CCDC158: variants seen among roughly 807,000 people sequenced by gnomAD.
CCDC158 encodes the protein coiled-coil domain-containing protein 158.
Under a neutral mutation model 138.6 loss-of-function variants are expected in CCDC158, and 116 were observed. The ratio of observed to expected loss-of-function variants is 0.84; its 90% CI spans 0.72 to 0.98. CCDC158 has a LOEUF of 0.98. Among genes scored for constraint, CCDC158 ranks in the 50% least tolerant of loss-of-function variants. The probability of loss-of-function intolerance (pLI) is 0.00; values close to 1 mark genes in which losing one functional copy is unlikely to be tolerated. For synonymous variants in CCDC158, 436 were observed against 442.4 expected, an observed-to-expected ratio of 0.99 and a Z score of 0.18; for missense variants, 1,265 against 1,306.1, an observed-to-expected ratio of 0.97 and a Z score of 0.48.
At chr4:76,328,775 T>C (rs760816534) in intron 22 of CCDC158, 125 bp downstream of exon 22, 131 of 710,756 alleles carry the variant, frequency 1.8e-4, no homozygotes, top group Non-Finnish European at 5.4e-5. Flanking sequence ...AAAGAGGGAG[T>C]AGCAGGAAAT....
chr4:76,403,087 A>G (rs377260829), intron 3 of CCDC158, 51 bp downstream of exon 3: 11 of 1,290,654 alleles, frequency 8.5e-6, no homozygotes, highest in Non-Finnish European at 1.2e-5. Context: ...TTGAATGAAT[A>G]TCATGGTTAA....
chr4:76,379,962 T>C (rs1191998918), intron 8 of CCDC158, among the ~76,000 whole-genome samples: 1 of 152,140 alleles, frequency 6.6e-6, no homozygotes, highest in East Asian at 1.9e-4. Context: ...CCTTTCCTGC[T>C]CCGCCATGGT....
intron 10 of CCDC158, 115 bp from the exon 11 acceptor site, chr4:76,369,738 G>T: frequency 1.2e-6 from 1 of 837,130 alleles, no homozygotes; most frequent in Non-Finnish European, 1.8e-6. Context: ...CTTTGATTTT[G>T]GAATCTGATT....
At chr4:76,319,721 T>C (rs115156306) in intron 24 of CCDC158, among the ~76,000 whole-genome samples, 1 of 150,778 alleles carries the variant, frequency 6.6e-6, no homozygotes, top group East Asian at 2.0e-4. Flanking sequence ...TGCAGAAAAA[T>C]CATTTGACAA....
At chr4:76,330,173 G>C (rs114261008) in intron 21 of CCDC158, among the ~76,000 whole-genome samples, 3,878 of 152,230 alleles carry the variant, frequency 0.025, 94 homozygotes, top group Non-Finnish European at 0.04. Flanking sequence ...CAGTAGCTCA[G>C]TGTGGGTACT....
Position 76,421,122 on chromosome 4 carries a change from C to A in CCDC158, c.-274G>T, listed in dbSNP as rs1730092948. Among the ~76,000 whole-genome samples, 2 of 152,010 alleles carry A rather than the reference C, an allele frequency of 1.3e-5. No individual in the cohort carries two copies. Among genetic ancestry groups the A allele is most frequent in the African/African-American group, 4.8e-5 (2 of 41,428 alleles). ...AGGCTGCGGGGCGGCTCCTCCTCCT[C>A]GGCTGCGGCGCCGGAAGCTGCCCGC... On this transcript the variant is annotated 5_prime_UTR_variant, in exon 1 of 25. Coordinates refer to ENST00000682701, the MANE Select transcript of CCDC158 (RefSeq NM_001394954.1).
chr4:76,330,265 A>G (rs1251683418), intron 21 of CCDC158, among the ~76,000 whole-genome samples: 2 of 152,142 alleles, frequency 1.3e-5, no homozygotes, highest in Non-Finnish European at 2.9e-5. Context: ...ACTGTTTTCA[A>G]GCAGTATGAC....
rs749869173 is a variant in CCDC158, at chr4:76,367,276, CA to C, written c.1830+17del. The C allele has an allele frequency of 5.1e-5, 81 of 1,594,054 alleles. No homozygotes were observed. Among genetic ancestry groups the C allele is most frequent in the Non-Finnish European group, 5.8e-5 (68 of 1,169,878 alleles). On this transcript the variant is annotated intron_variant, in intron 12 of 24. Transcript: ENST00000682701. ...AAATGATATTTCAGAAGTTAAATCA[CA>C]AAAAAACTCTACAGACCTTAAGTTC... is the stretch of plus-strand genomic sequence containing the variant.
chr4:76,376,044 C>T (rs1725685272), intron 9 of CCDC158, among the ~76,000 whole-genome samples: 1 of 151,698 alleles, frequency 6.6e-6, no homozygotes, highest in Non-Finnish European at 1.5e-5. Flanking sequence ...AGTTTCCTTT[C>T]ACACAAATCT....
In CCDC158 at chr4:76,326,508, A is replaced by G. The variant is rs147468905; in HGVS notation, c.3011-493T>C. ...ATGGGCTTATCAGGCATAGACTTCC[A>G]TAGATTCAAGCAGCATTACTTCAAA... On this transcript the variant is annotated intron_variant, in intron 22 of 24. Transcript: ENST00000682701. 4.5e-3 allele frequency among the ~76,000 whole-genome samples: 681 copies of G among 152,340 alleles called. 5 individuals are homozygous for G. Among genetic ancestry groups the G allele is most frequent in the African/African-American group, 0.015 (636 of 41,570 alleles).
chr4:76,329,501 G>C (rs1035265375), intron 21 of CCDC158, among the ~76,000 whole-genome samples: 2 of 152,082 alleles, frequency 1.3e-5, no homozygotes, highest in Non-Finnish European at 2.9e-5. Flanking sequence ...GGAGAATGGC[G>C]TGAACCTAGG....
intron 23 of CCDC158, among the ~76,000 whole-genome samples, chr4:76,324,943 T>C (rs1720388954): frequency 1.3e-5 from 2 of 152,230 alleles, no homozygotes; most frequent in South Asian, 2.1e-4. Flanking sequence ...CTTAAGTCCC[T>C]ATTAAATGTT....
intron 13 of CCDC158, among the ~76,000 whole-genome samples, chr4:76,360,069 C>T (rs757311475): frequency 6.6e-6 from 1 of 152,250 alleles, no homozygotes; most frequent in East Asian, 1.9e-4. Flanking sequence ...ATTTCAGCTG[C>T]TCCAGTTCCA....
In CCDC158 at chr4:76,379,743, TACACACACACACACACACAC is replaced by T. The variant is rs34043671; in HGVS notation, c.915-359_915-340del. ...TTTACTTATATATATTCATATATAT[TACACACACACACACACACAC>T]ACACACACACACACACACGGTTTGG... On this transcript the variant is annotated intron_variant, in intron 8 of 24. Transcript: ENST00000682701. Among the ~76,000 whole-genome samples the T allele has an allele frequency of 1.7e-3, 247 of 147,078 alleles. 2 individuals are homozygous for T. The highest frequency in any genetic ancestry group is 5.7e-3 in the African/African-American group (227 of 39,684).
intron 2 of CCDC158, among the ~76,000 whole-genome samples, chr4:76,407,502 A>G (rs1266680134): frequency 5.3e-5 from 8 of 152,186 alleles, no homozygotes; most frequent in Non-Finnish European, 1.0e-4. Context: ...TATGCTGTGT[A>G]CAAGAAGGAT....
intron 3 of CCDC158, among the ~76,000 whole-genome samples, chr4:76,400,117 C>T (rs1020525049): frequency 5.9e-5 from 9 of 151,578 alleles, no homozygotes; most frequent in Non-Finnish European, 8.8e-5. Flanking sequence ...ATGTTTATTG[C>T]GGCACTATTC....
chr4:76,344,109 C>T (rs1257087998), intron 18 of CCDC158, among the ~76,000 whole-genome samples: 1 of 152,110 alleles, frequency 6.6e-6, no homozygotes, highest in Non-Finnish European at 1.5e-5. Flanking sequence ...AAAACCCTAT[C>T]GCCTCAGCCC....
chr4:76,418,460 G>A (rs1054488531), intron 1 of CCDC158, among the ~76,000 whole-genome samples: 1 of 152,200 alleles, frequency 6.6e-6, no homozygotes, highest in African/African-American at 2.4e-5. Flanking sequence ...GAAAGCAGAT[G>A]TGGGGAGTGT....
At chr4:76,346,686 G>A (rs1337424988) in intron 18 of CCDC158, among the ~76,000 whole-genome samples, 1 of 152,142 alleles carries the variant, frequency 6.6e-6, no homozygotes, top group Admixed American at 6.5e-5. Context: ...CTCTAGACTG[G>A]TGACAGAACA....
Sources: allele counts gnomAD v4.1 joint callset (sites outside exome capture counted in the v4.1 genomes callset), GRCh38; gene constraint gnomAD v4.1.1; transcripts MANE v1.5; gene names NCBI Gene and HGNC (gene_info 2026-07-23, HGNC 2026-07-21).